ACTN1: variants seen among roughly 807,000 people sequenced by gnomAD.
ACTN1 encodes the protein alpha-actinin-1.
ACTN1 carries 30 observed loss-of-function variants against 119.6 expected under a neutral mutation model. The ratio of observed to expected loss-of-function variants is 0.25; its 90% CI spans 0.19 to 0.34. The LOEUF (loss-of-function observed/expected upper bound fraction) is 0.34, where lower values mean the gene tolerates loss of function less well. ACTN1 is among the 10% of genes least tolerant of loss of function. The probability of loss-of-function intolerance (pLI) is 1.00; values close to 1 mark genes in which losing one functional copy is unlikely to be tolerated. For synonymous variants in ACTN1, 429 were observed against 472.6 expected, an observed-to-expected ratio of 0.91 and a Z score of 1.20; for missense variants, 764 against 1,223.4, an observed-to-expected ratio of 0.62 and a Z score of 5.60.
At chr14:68,936,568 C>G in intron 1 of ACTN1, 1 of 471,950 alleles carries the variant, frequency 2.1e-6, no homozygotes, top group Non-Finnish European at 4.0e-6. Flanking sequence ...GGAACTGTTA[C>G]GGGAATTGAA....
rs553582484 is a variant in ACTN1 at position 68,956,412 on chromosome 14, C to T, written c.105+22540G>A. Reference sequence around the variant, plus strand: ...AAGCAATAATATTCCTCCAGATAATCCTTCATAGGGTTATCTAGCTTTATC... The same window carrying T: ...AAGCAATAATATTCCTCCAGATAATTCTTCATAGGGTTATCTAGCTTTATC... On this transcript the variant is annotated intron_variant, in intron 1 of 21. Coordinates refer to ENST00000394419, the MANE Select transcript of ACTN1 (RefSeq NM_001130004.2). Among the ~76,000 whole-genome samples the T allele has an allele frequency of 8.5e-5, 13 of 152,294 alleles. No homozygotes were observed. In the South Asian group the frequency reaches 2.3e-3, roughly 27 times the overall value.
In ACTN1 at chr14:68,874,721, G is replaced by A; in HGVS notation, c.*138C>T. On this transcript the variant is annotated 3_prime_UTR_variant, in exon 22 of 22. Transcript: ENST00000394419. ...TGTAAACTGTCACTTCGCGGGCAGG[G>A]AGGATCGATGCCACGTGGGCCCCAG... The A allele has an allele frequency of 4.9e-6, 4 of 808,850 alleles. No individual in the cohort carries two copies. The South Asian group carries it at 1.3e-4, about 25-fold the overall frequency. The allele number at this position is 808,850 out of a possible 1,614,324, so 50.1% of individuals were successfully genotyped here. A position where few individuals can be genotyped will look rare whatever the true frequency, so the allele number is the denominator to read the frequency against.
At chr14:68,876,729 G>A (rs558659275) in intron 21 of ACTN1, among the ~76,000 whole-genome samples, 10 of 152,260 alleles carry the variant, frequency 6.6e-5, no homozygotes, top group East Asian at 1.9e-4. Context: ...GTGCCGATGC[G>A]CGGGATGAGA....
intron 1 of ACTN1, among the ~76,000 whole-genome samples, chr14:68,926,099 G>A (rs2034912373): frequency 6.6e-6 from 1 of 152,114 alleles, no homozygotes; most frequent in East Asian, 1.9e-4. Context: ...GATACCTTAG[G>A]GTAAATTAGT....
At chr14:68,934,174 A>G (rs928835569) in intron 1 of ACTN1, among the ~76,000 whole-genome samples, 2 of 152,240 alleles carry the variant, frequency 1.3e-5, no homozygotes, top group African/African-American at 2.4e-5. Flanking sequence ...AAAGTTACAC[A>G]CGTAATAATG....
intron 1 of ACTN1, among the ~76,000 whole-genome samples, chr14:68,966,814 G>A (rs909531108): frequency 2.0e-5 from 3 of 152,176 alleles, no homozygotes; most frequent in Non-Finnish European, 4.4e-5. Context: ...TTCCTTTAAG[G>A]TCCACAAACC....
At chr14:68,930,280 A>G (rs960951793) in intron 1 of ACTN1, among the ~76,000 whole-genome samples, 3 of 152,162 alleles carry the variant, frequency 2.0e-5, no homozygotes, top group African/African-American at 7.2e-5. Context: ...TTCAGTAAAT[A>G]ATTTTAGCAT....
rs768563296 is a variant in ACTN1, at chr14:68,909,907, G to A, written c.515+48C>T. On this transcript the variant is annotated intron_variant, in intron 5 of 21. Transcript: ENST00000394419. The surrounding 1 kb of genome is among the most constrained non-coding windows in gnomAD (Gnocchi z 4.1). ...AGCCAAGGGGGTCTGGGAGCTCCCG[G>A]GGGAGGCAGCCTGGTTCTGTGAGAG... The A allele has an allele frequency of 2.6e-6, 4 of 1,562,602 alleles. No individual in the cohort carries two copies. Among genetic ancestry groups the A allele is most frequent in the Non-Finnish European group, 2.6e-6 (3 of 1,135,190 alleles).
chr14:68,962,279 C>T (rs936491217), intron 1 of ACTN1, among the ~76,000 whole-genome samples: 4 of 152,106 alleles, frequency 2.6e-5, no homozygotes, highest in South Asian at 2.1e-4. Context: ...CTAGCCTTGG[C>T]GAGCAAGCAG....
At chr14:68,908,249 A>C (rs1033533536) in intron 6 of ACTN1, among the ~76,000 whole-genome samples, 1 of 152,112 alleles carries the variant, frequency 6.6e-6, no homozygotes, top group African/African-American at 2.4e-5. Context: ...TTCCTCCCTC[A>C]AGATCCTTTT....
intron 1 of ACTN1, among the ~76,000 whole-genome samples, chr14:68,956,875 G>T (rs2036368155): frequency 6.6e-6 from 1 of 152,056 alleles, no homozygotes; most frequent in Non-Finnish European, 1.5e-5. Flanking sequence ...TGGGTGGGGA[G>T]AGACAAAGCG....
At chr14:68,875,235 A>C (rs1250603219) in intron 21 of ACTN1, 1 of 1,318,756 alleles carries the variant, frequency 7.6e-7, no homozygotes, top group Admixed American at 2.5e-5. Flanking sequence ...TTTCCACTTC[A>C]GTACCTACTT....
chr14:68,906,157 G>A (rs1157365607), intron 6 of ACTN1, among the ~76,000 whole-genome samples: 3 of 152,146 alleles, frequency 2.0e-5, no homozygotes, highest in Non-Finnish European at 4.4e-5. Flanking sequence ...ATGGATGGTA[G>A]GAACAGTTGT....
At chr14:68,941,958 C>T (rs1212902858) in intron 1 of ACTN1, among the ~76,000 whole-genome samples, 1 of 152,188 alleles carries the variant, frequency 6.6e-6, no homozygotes, top group Non-Finnish European at 1.5e-5. Context: ...CCACCCACCT[C>T]CTCCCTGAGG....
intron 16 of ACTN1, 57 bp from the exon 17 acceptor site, chr14:68,881,046 G>A: frequency 6.4e-7 from 1 of 1,551,734 alleles, no homozygotes; most frequent in South Asian, 1.2e-5. Flanking sequence ...CCCATAGGGT[G>A]GGGACTGGGG....
intron 6 of ACTN1, among the ~76,000 whole-genome samples, chr14:68,907,565 AAAAAACAAAAC>A (rs1381257823): frequency 2.6e-4 from 40 of 152,330 alleles, no homozygotes; most frequent in Admixed American, 9.8e-4. Context: ...ACTCTGTCTC[AAAAAACAAAAC>A]AAAAACAAAA....
At chr14:68,924,799 AAGAAG>A (rs2034837460) in intron 2 of ACTN1, among the ~76,000 whole-genome samples, 1 of 152,218 alleles carries the variant, frequency 6.6e-6, no homozygotes, top group African/African-American at 2.4e-5. Context: ...ACAACTTGCA[AAGAAG>A]AGCTGTCTAT....
intron 6 of ACTN1, among the ~76,000 whole-genome samples, chr14:68,905,938 G>A (rs537026954): frequency 2.7e-5 from 4 of 150,628 alleles, no homozygotes; most frequent in East Asian, 1.9e-4. Flanking sequence ...AGCCAAGATC[G>A]CGCTGCTGCA....
rs747176392 is a variant in ACTN1, at chr14:68,882,426, G to A, written c.1953+32C>T. On this transcript the variant is annotated intron_variant, in intron 16 of 21. Coordinates refer to ENST00000394419, the MANE Select transcript of ACTN1 (RefSeq NM_001130004.2). The surrounding 1 kb of genome is among the most constrained non-coding windows in gnomAD (Gnocchi z 4.5). ...ATAGTGTCGGGGGGGAGGGGTGGGA[G>A]CCCCAGCACTGCTTCCCAGCATGGG... 1.2e-6 allele frequency: 2 copies of A among 1,608,414 alleles called. No individual in the cohort carries two copies. The highest frequency in any genetic ancestry group is 1.1e-5 in the South Asian group (1 of 90,682).
Sources: allele counts gnomAD v4.1 joint callset (sites outside exome capture counted in the v4.1 genomes callset), GRCh38; gene constraint gnomAD v4.1.1; non-coding constraint Gnocchi (gnomAD v3.1); transcripts MANE v1.5; gene names NCBI Gene and HGNC (gene_info 2026-07-23, HGNC 2026-07-21).